The following PCNX2 variants were observed in gnomAD, a reference collection of about 807,000 sequenced individuals.
PCNX2 encodes the protein pecanex 2, also known as pecanex-like protein 2.
A neutral mutation model predicts 223.8 loss-of-function variants in PCNX2; 168 were observed. The ratio of observed to expected loss-of-function variants is 0.75; its 90% CI spans 0.66 to 0.85. PCNX2 has a LOEUF of 0.85. Ranked by LOEUF, PCNX2 falls within the 40% of genes least tolerant of loss-of-function variation. The pLI is 0.00. For missense variants in PCNX2, 2,507 were observed against 2,675.5 expected, an observed-to-expected ratio of 0.94 and a Z score of 1.39; for synonymous variants, 1,006 against 1,052.6, an observed-to-expected ratio of 0.96 and a Z score of 0.86.
intron 1 of PCNX2, among the ~76,000 whole-genome samples, chr1:233,286,332 C>A (rs1322592061): frequency 6.6e-6 from 1 of 151,780 alleles, no homozygotes; most frequent in Non-Finnish European, 1.5e-5. Context: ...GTAGAAGGCA[C>A]CTAATATGAG....
At chr1:233,276,580 A>G (rs1245834577) in intron 1 of PCNX2, among the ~76,000 whole-genome samples, 1 of 152,258 alleles carries the variant, frequency 6.6e-6, no homozygotes, top group Non-Finnish European at 1.5e-5. Context: ...CAACCAAATC[A>G]CCACACTGGG....
At chr1:233,145,121 C>G (rs182370979) in intron 19 of PCNX2, among the ~76,000 whole-genome samples, 2 of 151,836 alleles carry the variant, frequency 1.3e-5, no homozygotes, top group African/African-American at 4.8e-5. Context: ...CCTGCCACCA[C>G]GCCCGGCTAA....
chr1:233,241,166 A>C, intron 8 of PCNX2: 3 of 984,880 alleles, frequency 3.0e-6, no homozygotes, highest in Non-Finnish European at 3.6e-6. Context: ...ATTCTTGTTC[A>C]ATTCTCCTTT....
At chr1:233,075,524 G>A (rs568299320) in intron 23 of PCNX2, among the ~76,000 whole-genome samples, 1 of 152,204 alleles carries the variant, frequency 6.6e-6, no homozygotes, top group East Asian at 1.9e-4. Context: ...TTTGTTACGT[G>A]TCACTAATTT....
chr1:233,000,578 G>C lies in PCNX2; in HGVS notation c.5098-43C>G. The stretch of plus-strand genomic sequence containing the variant: ...GGGTGTGGGCTGGGCAAGGACCAGA[G>C]GAACTCACCCCCAGGAAGCATGCAG... On this transcript the variant is annotated intron_variant, in intron 29 of 33. Coordinates refer to ENST00000258229, the MANE Select transcript of PCNX2 (RefSeq NM_014801.4). The surrounding 1 kb of genome is among the most constrained non-coding windows in gnomAD (Gnocchi z 4.6). 1 of 1,510,580 alleles carries C rather than the reference G, an allele frequency of 6.6e-7. No homozygotes were observed. The highest frequency in any genetic ancestry group is 1.4e-5 in the African/African-American group (1 of 72,754). 93.6% of individuals were successfully genotyped at this position (1,510,580 alleles called of 1,614,324 possible). A position where few individuals can be genotyped will look rare whatever the true frequency, so the allele number is the denominator to read the frequency against.
chr1:233,265,244 T>A (rs368200375), intron 1 of PCNX2, among the ~76,000 whole-genome samples: 1 of 146,588 alleles, frequency 6.8e-6, no homozygotes. Context: ...AGACCCTCTC[T>A]AAAAAAAAAA....
chr1:233,282,845 T>C (rs1661257348), intron 1 of PCNX2, among the ~76,000 whole-genome samples: 1 of 152,200 alleles, frequency 6.6e-6, no homozygotes, highest in African/African-American at 2.4e-5. Context: ...TGGTATAAAT[T>C]ATTAAATCAG....
intron 8 of PCNX2, among the ~76,000 whole-genome samples, chr1:233,243,757 A>G (rs1404491640): frequency 6.6e-6 from 1 of 152,238 alleles, no homozygotes; most frequent in East Asian, 1.9e-4. Context: ...CAGTAACAAC[A>G]GCTAACACTG....
chr1:233,037,220 C>T lies in PCNX2; in HGVS notation c.4352-11821G>A, dbSNP rs146243397. Among the ~76,000 whole-genome samples, 300 of 152,278 alleles carry T rather than the reference C, an allele frequency of 2.0e-3. 2 individuals are homozygous for T. The highest frequency in any genetic ancestry group is 6.7e-3 in the African/African-American group (280 of 41,562). ...GAAGAACCAAAACAACGAATAGGAT[C>T]GGCTTGTTGAACCACGGAATGGGTT... On this transcript the variant is annotated intron_variant, in intron 25 of 33. Coordinates refer to ENST00000258229, the MANE Select transcript of PCNX2 (RefSeq NM_014801.4).
chr1:233,140,494 G>C (rs1441675953), intron 19 of PCNX2, among the ~76,000 whole-genome samples: 1 of 152,232 alleles, frequency 6.6e-6, no homozygotes, highest in Non-Finnish European at 1.5e-5. Flanking sequence ...CCAACCACTA[G>C]TGAATGACCT....
chr1:233,200,333 CT>C, intron 13 of PCNX2, 69 bp from the exon 14 acceptor site: 3 of 1,064,820 alleles, frequency 2.8e-6, no homozygotes, highest in Non-Finnish European at 4.1e-6. Flanking sequence ...TGCTGCAGTG[CT>C]GTCTCTCTCC....
At chr1:233,108,707 T>C (rs1391259396) in intron 21 of PCNX2, among the ~76,000 whole-genome samples, 1 of 152,148 alleles carries the variant, frequency 6.6e-6, no homozygotes, top group Non-Finnish European at 1.5e-5. Context: ...AGGGCACTGA[T>C]GAAAACTCAC....
intron 24 of PCNX2, among the ~76,000 whole-genome samples, chr1:233,055,595 T>C (rs954717690): frequency 1.1e-4 from 17 of 152,140 alleles, no homozygotes; most frequent in African/African-American, 4.1e-4. Context: ...GTCCTGTGGG[T>C]GGAGTAAGCA....
At chr1:233,261,619 A>G (rs1660046268) in intron 3 of PCNX2, among the ~76,000 whole-genome samples, 1 of 152,220 alleles carries the variant, frequency 6.6e-6, no homozygotes, top group Non-Finnish European at 1.5e-5. Flanking sequence ...AGCTCAACAA[A>G]GTTAATCTAG....
chr1:233,093,812 T>C (rs908554499), intron 22 of PCNX2, among the ~76,000 whole-genome samples: 1 of 152,194 alleles, frequency 6.6e-6, no homozygotes, highest in African/African-American at 2.4e-5. Flanking sequence ...CACTGAGTGC[T>C]GTAAAATGGA....
At chr1:233,318,298 T>C in the PCNX2 span, among the ~76,000 whole-genome samples, 1 of 152,192 alleles carries the variant, frequency 6.6e-6, no homozygotes, top group African/African-American at 2.4e-5. Context: ...CATACAGTTT[T>C]TGAGGGACTA....
At chr1:233,250,483 A>C (rs1036839984) in intron 8 of PCNX2, 1 of 846,550 alleles carries the variant, frequency 1.2e-6, no homozygotes, top group Non-Finnish European at 1.4e-6. Context: ...TATTATGTTT[A>C]TACAGAGTTC....
chr1:232,986,685 C>T, intron 32 of PCNX2, 145 bp from the exon 33 acceptor site: 1 of 763,662 alleles, frequency 1.3e-6, no homozygotes, highest in Middle Eastern at 4.0e-4. Context: ...GAGCTGGAAG[C>T]CTGACCACTG....
chr1:233,216,455 A>G (rs1269525449), intron 12 of PCNX2, among the ~76,000 whole-genome samples: 1 of 152,206 alleles, frequency 6.6e-6, no homozygotes, highest in Non-Finnish European at 1.5e-5. Context: ...TAAAAAGAAT[A>G]AACGATTCAG....
Sources: gnomAD v4.1 joint callset for allele counts (sites outside exome capture counted in the v4.1 genomes callset) on GRCh38, gnomAD v4.1.1 for gene constraint, Gnocchi (gnomAD v3.1) non-coding constraint, MANE v1.5 for transcripts, NCBI Gene and HGNC (gene_info 2026-07-23, HGNC 2026-07-21) for gene names.